The following STAT1 variants were observed in gnomAD, a reference collection of about 807,000 sequenced individuals.
The protein encoded by STAT1 is signal transducer and activator of transcription 1-alpha/beta.
A neutral mutation model predicts 111.7 loss-of-function variants in STAT1; 24 were observed. The observed-to-expected ratio is 0.21, with a 90% confidence interval of 0.16 to 0.30. The LOEUF is 0.30. STAT1 is among the 10% of genes least tolerant of loss of function. The pLI is 1.00. For missense variants in STAT1, 351 were observed against 911.9 expected, an observed-to-expected ratio of 0.38 and a Z score of 7.92; for synonymous variants, 332 against 326.5, an observed-to-expected ratio of 1.02 and a Z score of -0.18.
In STAT1 at chr2:190,993,489, A is replaced by C; in HGVS notation, c.944+1572T>G. On this transcript the variant is annotated intron_variant, in intron 10 of 24. Transcript: ENST00000361099. This position sits in a 1 kb window ranked among gnomAD's most constrained non-coding sequence, Gnocchi z 4.1. ...GTTATCATCTGCAAACCTAAGAAGGAGGCAAGACTTTCCAACCCCAGAGTC... is the reference window on the plus strand; with the variant it reads ...GTTATCATCTGCAAACCTAAGAAGGCGGCAAGACTTTCCAACCCCAGAGTC... 1 of 1,033,316 alleles carries C rather than the reference A, an allele frequency of 9.7e-7. No homozygotes were observed. The highest frequency in any genetic ancestry group is 1.5e-6 in the Non-Finnish European group (1 of 676,490). 64.0% of individuals were successfully genotyped at this position (1,033,316 alleles called of 1,614,324 possible).
intron 10 of STAT1, chr2:190,992,850 C>T (rs569261301): frequency 3.3e-4 from 103 of 312,948 alleles, no homozygotes; most frequent in Non-Finnish European, 4.8e-4. Context: ...AGAGCAATGG[C>T]GCAATCTCGG....
At chr2:191,011,554 G>C (rs1420928342) in intron 2 of STAT1, among the ~76,000 whole-genome samples, 2 of 152,162 alleles carry the variant, frequency 1.3e-5, no homozygotes. Flanking sequence ...AAGGAGCTCA[G>C]ACTGCAAGTG....
At position 190,993,212 on chromosome 2, in the gene STAT1, T is replaced by C. The variant is rs905488739; in HGVS notation, c.944+1849A>G. On this transcript the variant is annotated intron_variant, in intron 10 of 24. Coordinates refer to ENST00000361099, the MANE Select transcript of STAT1 (RefSeq NM_007315.4). This position sits in a 1 kb window ranked among gnomAD's most constrained non-coding sequence, Gnocchi z 4.1. ...ATCACACTTGTTCCCTACCAACAAT[T>C]TGTTGACGTTTTCACTGGGATAATG... 20 of 553,042 alleles carry C rather than the reference T, an allele frequency of 3.6e-5. No homozygotes were observed. Among genetic ancestry groups the C allele is most frequent in the African/African-American group, 3.6e-4 (19 of 52,732 alleles). The allele number at this position is 553,042 out of a possible 1,614,324, so 34.3% of individuals were successfully genotyped here.
In STAT1 at chr2:191,006,076, A is replaced by C. The variant is rs1011665299; in HGVS notation, c.372+1487T>G. ...TGCCATCTCTGGGCCAAGGGGCCAA[A>C]TGTGAGGATGACATGCTTGCAGCTG... On this transcript the variant is annotated intron_variant, in intron 5 of 24. Transcript: ENST00000361099. This position sits in a 1 kb window ranked among gnomAD's most constrained non-coding sequence, Gnocchi z 4.6. Among the ~76,000 whole-genome samples, 2 of 152,240 alleles carry C rather than the reference A, an allele frequency of 1.3e-5. No homozygotes were observed. Among genetic ancestry groups the C allele is most frequent in the Non-Finnish European group, 2.9e-5 (2 of 68,040 alleles).
At position 190,993,981 on chromosome 2, in the gene STAT1, A is replaced by G. The variant is rs1693603604; in HGVS notation, c.944+1080T>C. 6.6e-6 allele frequency among the ~76,000 whole-genome samples: 1 copy of G among 152,178 alleles called. No individual in the cohort carries two copies. The highest frequency in any genetic ancestry group is 2.4e-5 in the African/African-American group (1 of 41,430). On this transcript the variant is annotated intron_variant, in intron 10 of 24. Transcript: ENST00000361099. The surrounding 1 kb of genome is among the most constrained non-coding windows in gnomAD (Gnocchi z 4.1). ...TTCAAGAAATATAAAGAAATACATA[A>G]CAACTATATAACAAAAGGCAGAGTA...
Position 190,984,191 on chromosome 2 carries a change from G to T in STAT1, c.1347+119C>A. 1.2e-6 allele frequency: 1 copy of T among 850,384 alleles called. No homozygotes were observed. The highest frequency in any genetic ancestry group is 1.9e-6 in the Non-Finnish European group (1 of 519,572). 52.7% of individuals were successfully genotyped at this position (850,384 alleles called of 1,614,324 possible). On this transcript the variant is annotated intron_variant, in intron 16 of 24. Transcript: ENST00000361099. The surrounding 1 kb of genome is among the most constrained non-coding windows in gnomAD (Gnocchi z 5.2). The stretch of plus-strand genomic sequence containing the variant: ...GGTTAAGATAGTATTAGCTGAAAAA[G>T]ATCATTTTAAAACAATTAGGTAAAT...
In STAT1 at chr2:191,013,690, A is replaced by G; in HGVS notation, c.-155-12T>C. 1 of 398,806 alleles carries G rather than the reference A, an allele frequency of 2.5e-6. No individual in the cohort carries two copies. The highest frequency in any genetic ancestry group is 4.4e-6 in the Non-Finnish European group (1 of 226,144). 24.7% of individuals were successfully genotyped at this position (398,806 alleles called of 1,614,324 possible). On this transcript the variant is annotated splice_polypyrimidine_tract_variant and intron_variant, in intron 1 of 24. Transcript: ENST00000361099. ...GCAAATGAAACTTTCTGCGAAAAGAAGAAAACGTGACTGATGGAAAGGGGT... is the reference window on the plus strand; with the variant it reads ...GCAAATGAAACTTTCTGCGAAAAGAGGAAAACGTGACTGATGGAAAGGGGT...
Position 191,004,459 on chromosome 2 carries a change from AG to A in STAT1, c.372+3103del, listed in dbSNP as rs1217679030. ...AATGGAGTGAGCAGTTGTCCAAGTA[AG>A]GGAATAGGCACTCCATGGGTGTGAG... On this transcript the variant is annotated intron_variant, in intron 5 of 24. Transcript: ENST00000361099. The surrounding 1 kb of genome is among the most constrained non-coding windows in gnomAD (Gnocchi z 5.0). 6.6e-6 allele frequency among the ~76,000 whole-genome samples: 1 copy of A among 152,218 alleles called. No individual in the cohort carries two copies. Among genetic ancestry groups the A allele is most frequent in the Non-Finnish European group, 1.5e-5 (1 of 68,046 alleles).
Position 190,979,815 on chromosome 2 carries a change from G to A in STAT1, c.1684C>T (p.Leu562=). ...AGCAGGTGTTTTTTAATGAGTTCTA[G>A]GATGCTTTCAATCCAAAGCCAGAAG... The part of the protein sequence containing the change: ...FPFWLWIESI[L]ELIKKHLLPL... Residue 562 remains leucine (L), a synonymous_variant, in exon 20 of 25, where the codon CTA becomes TTA. Transcript: ENST00000361099. This position sits in a 1 kb window ranked among gnomAD's most constrained non-coding sequence, Gnocchi z 5.8. The A allele has an allele frequency of 6.2e-7, 1 of 1,613,730 alleles. No homozygotes were observed. The highest frequency in any genetic ancestry group is 8.5e-7 in the Non-Finnish European group (1 of 1,179,766).
In STAT1 at chr2:191,006,276, C is replaced by A. The variant is rs191863432; in HGVS notation, c.372+1287G>T. ...AGGTTAGAGACAGGCACACCTCTTTCAGAGGAGACAACCTGGCCAGCTTCT... is the reference window on the plus strand; with the variant it reads ...AGGTTAGAGACAGGCACACCTCTTTAAGAGGAGACAACCTGGCCAGCTTCT... On this transcript the variant is annotated intron_variant, in intron 5 of 24. Coordinates refer to ENST00000361099, the MANE Select transcript of STAT1 (RefSeq NM_007315.4). The surrounding 1 kb of genome is among the most constrained non-coding windows in gnomAD (Gnocchi z 4.6). Among the ~76,000 whole-genome samples, 37 of 152,348 alleles carry A rather than the reference C, an allele frequency of 2.4e-4. No homozygotes were observed. The highest frequency in any genetic ancestry group is 3.7e-4 in the Non-Finnish European group (25 of 68,022).
intron 24 of STAT1, among the ~76,000 whole-genome samples, chr2:190,972,086 T>C (rs939442190): frequency 6.6e-6 from 1 of 152,124 alleles, no homozygotes; most frequent in African/African-American, 2.4e-5. Flanking sequence ...GGGAGATAGA[T>C]AGATAGAGGA....
At position 190,998,098 on chromosome 2, in the gene STAT1, C is replaced by A. The variant is rs1693986798; in HGVS notation, c.634-91G>T. The A allele has an allele frequency of 6.4e-7, 1 of 1,568,304 alleles. No individual in the cohort carries two copies. The highest frequency in any genetic ancestry group is 1.7e-5 in the Admixed American group (1 of 58,248). On this transcript the variant is annotated intron_variant, in intron 8 of 24. Coordinates refer to ENST00000361099, the MANE Select transcript of STAT1 (RefSeq NM_007315.4). This position sits in a 1 kb window ranked among gnomAD's most constrained non-coding sequence, Gnocchi z 4.1. The stretch of plus-strand genomic sequence containing the variant: ...TTTAAAAGAAAAGCAAATATCATTT[C>A]ATTCTCAACTGGGGCTCTAAGCCAG...
chr2:190,975,755 C>G lies in STAT1; in HGVS notation c.2135+57G>C. 2 of 1,611,372 alleles carry G rather than the reference C, an allele frequency of 1.2e-6. No homozygotes were observed. The highest frequency in any genetic ancestry group is 1.7e-6 in the Non-Finnish European group (2 of 1,178,630). The stretch of plus-strand genomic sequence containing the variant: ...TACAAGCATCTTCAACAGGCCCCAG[C>G]CAGGAGCAAGGCTGGCTTGAGGTTT... On this transcript the variant is annotated intron_variant, in intron 23 of 24. Coordinates refer to ENST00000361099, the MANE Select transcript of STAT1 (RefSeq NM_007315.4). This position sits in a 1 kb window ranked among gnomAD's most constrained non-coding sequence, Gnocchi z 5.9.
Position 190,975,357 on chromosome 2 carries a change from T to A in STAT1, c.2136-425A>T, listed in dbSNP as rs1416559185. ...AGCTGCTCCACACAGTGTTTTTACA[T>A]GAAGGCTACATCCATTCACCCCAAG... On this transcript the variant is annotated intron_variant, in intron 23 of 24. Coordinates refer to ENST00000361099, the MANE Select transcript of STAT1 (RefSeq NM_007315.4). This position sits in a 1 kb window ranked among gnomAD's most constrained non-coding sequence, Gnocchi z 5.9. 2 of 488,168 alleles carry A rather than the reference T, an allele frequency of 4.1e-6. No homozygotes were observed. The highest frequency in any genetic ancestry group is 8.3e-6 in the Non-Finnish European group (2 of 240,926). 30.2% of individuals were successfully genotyped at this position (488,168 alleles called of 1,614,324 possible).
At chr2:191,010,378 T>C (rs567434849) in intron 2 of STAT1, 25 of 471,730 alleles carry the variant, frequency 5.3e-5, no homozygotes, top group African/African-American at 4.6e-4. Context: ...ACATATTTTA[T>C]TTTCATTATT....
chr2:191,007,082 T>G lies in STAT1; in HGVS notation c.372+481A>C, dbSNP rs1694762133. Among the ~76,000 whole-genome samples the G allele has an allele frequency of 6.6e-6, 1 of 152,188 alleles. No homozygotes were observed. Among genetic ancestry groups the G allele is most frequent in the Admixed American group, 6.5e-5 (1 of 15,272 alleles). Reference sequence around the variant, plus strand: ...TGCATCTAATCCTTCAACATAAGGATCCTTCTATATTGGTATCACATCCAA... The same window carrying G: ...TGCATCTAATCCTTCAACATAAGGAGCCTTCTATATTGGTATCACATCCAA... On this transcript the variant is annotated intron_variant, in intron 5 of 24. Coordinates refer to ENST00000361099, the MANE Select transcript of STAT1 (RefSeq NM_007315.4). This position sits in a 1 kb window ranked among gnomAD's most constrained non-coding sequence, Gnocchi z 4.2.
Position 190,978,339 on chromosome 2 carries a change from T to C in STAT1, c.1873+517A>G, listed in dbSNP as rs1011554314. Among the ~76,000 whole-genome samples, 7 of 152,162 alleles carry C rather than the reference T, an allele frequency of 4.6e-5. No homozygotes were observed. Among genetic ancestry groups the C allele is most frequent in the African/African-American group, 1.4e-4 (6 of 41,438 alleles). On this transcript the variant is annotated intron_variant, in intron 21 of 24. Coordinates refer to ENST00000361099, the MANE Select transcript of STAT1 (RefSeq NM_007315.4). This position sits in a 1 kb window ranked among gnomAD's most constrained non-coding sequence, Gnocchi z 6.1. ...TTAGCCATGGACTCATTTGATTAAA[T>C]AGAAACCCCATATATGATAAAGATA...
rs1694058227 is a variant in STAT1, at chr2:190,998,953, T to C, written c.542-645A>G. Reference sequence around the variant, plus strand: ...TGAAGTTGCTGTCTCTTATACTTTCTACCCAAATCATACTGATAATCTCTG... The same window carrying C: ...TGAAGTTGCTGTCTCTTATACTTTCCACCCAAATCATACTGATAATCTCTG... On this transcript the variant is annotated intron_variant, in intron 7 of 24. Transcript: ENST00000361099. The surrounding 1 kb of genome is among the most constrained non-coding windows in gnomAD (Gnocchi z 4.1). 6.6e-6 allele frequency among the ~76,000 whole-genome samples: 1 copy of C among 152,186 alleles called. No homozygotes were observed.
rs1288017375 is a variant in STAT1 at position 190,990,221 on chromosome 2, G to A, written c.1038-547C>T. ...CTGGAGACTTTGAGAAGGAGACCCC[G>A]GGGCTCTGTCTGCTCCGTTCAGTGG... On this transcript the variant is annotated intron_variant, in intron 11 of 24. Transcript: ENST00000361099. The surrounding 1 kb of genome is among the most constrained non-coding windows in gnomAD (Gnocchi z 5.1). Among the ~76,000 whole-genome samples, 1 of 152,150 alleles carries A rather than the reference G, an allele frequency of 6.6e-6. No homozygotes were observed. Among genetic ancestry groups the A allele is most frequent in the East Asian group, 1.9e-4 (1 of 5,192 alleles).
Sources: gnomAD v4.1 joint callset for allele counts (sites outside exome capture counted in the v4.1 genomes callset) on GRCh38, gnomAD v4.1.1 for gene constraint, Gnocchi (gnomAD v3.1) non-coding constraint, MANE v1.5 for transcripts, NCBI Gene and HGNC (gene_info 2026-07-23, HGNC 2026-07-21) for gene names.